ENTHD1: variants seen among roughly 807,000 people sequenced by gnomAD.
ENTHD1 encodes ENTH domain containing 1.
Under a neutral mutation model 39.1 loss-of-function variants are expected in ENTHD1, and 23 were observed. The ratio of observed to expected loss-of-function variants is 0.59; its 90% CI spans 0.42 to 0.83. The LOEUF (loss-of-function observed/expected upper bound fraction) is 0.83. ENTHD1 is among the 40% of genes least tolerant of loss of function. The probability of loss-of-function intolerance (pLI) is 0.00; values close to 1 mark genes in which losing one functional copy is unlikely to be tolerated. For missense variants in ENTHD1, 624 were observed against 705.4 expected, an observed-to-expected ratio of 0.88 and a Z score of 1.31; for synonymous variants, 230 against 258.2, an observed-to-expected ratio of 0.89 and a Z score of 1.05.
intron 2 of ENTHD1, chr22:39,875,281 A>G (rs1601661789): frequency 1.6e-6 from 2 of 1,237,000 alleles, no homozygotes; most frequent in Non-Finnish European, 1.0e-6. Flanking sequence ...AAATCTATAC[A>G]GTTAAAGAAA....
At chr22:39,785,624 A>T (rs930987600) in intron 5 of ENTHD1, among the ~76,000 whole-genome samples, 1 of 152,100 alleles carries the variant, frequency 6.6e-6, no homozygotes, top group Non-Finnish European at 1.5e-5. Context: ...TGGCTTTCTC[A>T]TAGGTTAAAC....
intron 1 of ENTHD1, among the ~76,000 whole-genome samples, chr22:39,890,974 A>T (rs1233694007): frequency 6.6e-6 from 1 of 152,232 alleles, no homozygotes; most frequent in African/African-American, 2.4e-5. Context: ...GACTACATGA[A>T]AATGCTGTTT....
chr22:39,783,525 A>G (rs1210484918), intron 5 of ENTHD1, among the ~76,000 whole-genome samples: 1 of 152,120 alleles, frequency 6.6e-6, no homozygotes, highest in Non-Finnish European at 1.5e-5. Context: ...GAGTAACCAA[A>G]TCAGCGTGAA....
At chr22:39,873,699 T>C (rs1462751397) in intron 2 of ENTHD1, among the ~76,000 whole-genome samples, 1 of 152,204 alleles carries the variant, frequency 6.6e-6, no homozygotes, top group Non-Finnish European at 1.5e-5. Flanking sequence ...TACTCTATTA[T>C]TAAAATCTAA....
At chr22:39,801,020 C>T (rs148308785) in intron 5 of ENTHD1, among the ~76,000 whole-genome samples, 10 of 152,148 alleles carry the variant, frequency 6.6e-5, no homozygotes, top group African/African-American at 9.6e-5. Flanking sequence ...TCTAACAGCC[C>T]GGGCAGGGGA....
intron 6 of ENTHD1, among the ~76,000 whole-genome samples, chr22:39,758,306 A>T (rs2065201464): frequency 6.6e-6 from 1 of 152,230 alleles, no homozygotes; most frequent in Admixed American, 6.5e-5. Flanking sequence ...TACAATGTTG[A>T]ATAAAAGCGG....
rs535990117 is a variant in ENTHD1 at position 39,866,661 on chromosome 22, A to G, written c.350-4654T>C. On this transcript the variant is annotated intron_variant, in intron 2 of 6. Transcript: ENST00000325157. Reference sequence around the variant, plus strand: ...TGAACACCCTCTCCCGCTGTGCCCTATGCAGACATGGGCCTCTGACTTGGC... The same window carrying G: ...TGAACACCCTCTCCCGCTGTGCCCTGTGCAGACATGGGCCTCTGACTTGGC... Among the ~76,000 whole-genome samples the G allele has an allele frequency of 1.4e-4, 21 of 152,308 alleles. No homozygotes were observed. In the East Asian group the frequency reaches 1.6e-3, roughly 11 times the overall value.
intron 2 of ENTHD1, among the ~76,000 whole-genome samples, chr22:39,886,003 A>G (rs1235870695): frequency 2.0e-5 from 3 of 152,168 alleles, no homozygotes; most frequent in Non-Finnish European, 4.4e-5. Flanking sequence ...AAATCCATAT[A>G]ACTGTACACC....
At chr22:39,862,080 A>AT in intron 2 of ENTHD1, 73 bp from the exon 3 acceptor site, 1 of 1,223,072 alleles carries the variant, frequency 8.2e-7, no homozygotes, top group Non-Finnish European at 1.1e-6. Context: ...TTTCTACAGA[A>AT]ATTTTTTTAA....
chr22:39,814,229 C>T (rs1311243553), intron 5 of ENTHD1, among the ~76,000 whole-genome samples: 1 of 149,760 alleles, frequency 6.7e-6, no homozygotes, highest in African/African-American at 2.5e-5. Context: ...GAGGCTGAGA[C>T]AGGCAGATCC....
chr22:39,827,439 A>G (rs1304057195), intron 4 of ENTHD1, among the ~76,000 whole-genome samples: 1 of 152,208 alleles, frequency 6.6e-6, no homozygotes, highest in Non-Finnish European at 1.5e-5. Flanking sequence ...AAATAGATAA[A>G]GAACCAGGAA....
intron 4 of ENTHD1, among the ~76,000 whole-genome samples, chr22:39,833,049 C>G (rs1023261447): frequency 3.9e-5 from 6 of 151,962 alleles, no homozygotes; most frequent in Non-Finnish European, 8.8e-5. Context: ...GCTTCTTCAC[C>G]CTTCCTCTTC....
chr22:39,748,876 G>T (rs1363602342), intron 6 of ENTHD1, among the ~76,000 whole-genome samples: 1 of 151,966 alleles, frequency 6.6e-6, no homozygotes, highest in Non-Finnish European at 1.5e-5. Context: ...GAATTTCTTG[G>T]GTCCCAGATC....
At chr22:39,875,820 G>C in intron 2 of ENTHD1, 6 of 1,613,698 alleles carry the variant, frequency 3.7e-6, no homozygotes, top group African/African-American at 1.3e-5. Flanking sequence ...CTGTTTGTAC[G>C]TCATAGAACC....
At chr22:39,750,346 G>A (rs934425444) in intron 6 of ENTHD1, 8 of 169,244 alleles carry the variant, frequency 4.7e-5, no homozygotes, top group South Asian at 1.5e-4. Context: ...GGCAAATGTC[G>A]AGGAAGCCAG....
chr22:39,763,557 G>A (rs2146553189), intron 6 of ENTHD1, among the ~76,000 whole-genome samples: 1 of 152,208 alleles, frequency 6.6e-6, no homozygotes, highest in East Asian at 1.9e-4. Context: ...ATGACTCAAG[G>A]TGGGGAAACT....
chr22:39,888,834 G>C (rs532754619), intron 1 of ENTHD1, among the ~76,000 whole-genome samples: 1 of 152,280 alleles, frequency 6.6e-6, no homozygotes, highest in South Asian at 2.1e-4. Context: ...GCCTTCTGAA[G>C]TGCTAGGATT....
intron 5 of ENTHD1, among the ~76,000 whole-genome samples, chr22:39,775,891 G>GCAGT (rs2065361729): frequency 6.6e-6 from 1 of 152,068 alleles, no homozygotes; most frequent in Admixed American, 6.6e-5. Context: ...AATGAATACT[G>GCAGT]TCTTTTTTTC....
intron 1 of ENTHD1, among the ~76,000 whole-genome samples, chr22:39,888,706 G>A (rs376733469): frequency 1.3e-5 from 2 of 152,030 alleles, no homozygotes; most frequent in Non-Finnish European, 2.9e-5. Flanking sequence ...GATTATAGCC[G>A]TGAGCCACCG....
Sources: gnomAD v4.1 joint callset for allele counts (sites outside exome capture counted in the v4.1 genomes callset) on GRCh38, gnomAD v4.1.1 for gene constraint, MANE v1.5 for transcripts, NCBI Gene and HGNC (gene_info 2026-07-23, HGNC 2026-07-21) for gene names.